The following THEMIS variants were observed in gnomAD, a reference collection of about 807,000 sequenced individuals.
THEMIS encodes thymocyte selection associated, also known as protein THEMIS.
Under a neutral mutation model 52.6 loss-of-function variants are expected in THEMIS, and 37 were observed. That is an observed-to-expected ratio of 0.70 (90% CI 0.54 to 0.93). The LOEUF (loss-of-function observed/expected upper bound fraction) is 0.93, where lower values mean the gene tolerates loss of function less well. THEMIS is among the 40% of genes least tolerant of loss of function. The pLI, the probability that THEMIS is intolerant of heterozygous loss-of-function variation, is 0.00. For synonymous variants in THEMIS, 292 were observed against 272.7 expected (o/e 1.07, Z -0.70); for missense variants, 808 against 763.1 (o/e 1.06, Z -0.69).
chr6:127,803,602 C>G (rs1346387943), intron 4 of THEMIS, among the ~76,000 whole-genome samples: 1 of 152,132 alleles, frequency 6.6e-6, no homozygotes, highest in Non-Finnish European at 1.5e-5. Flanking sequence ...TACTCCTATT[C>G]TTAGTTCTAC....
the THEMIS span, among the ~76,000 whole-genome samples, chr6:127,698,075 T>A: frequency 2.0e-5 from 3 of 152,102 alleles, no homozygotes; most frequent in South Asian, 6.2e-4. Flanking sequence ...TTACATAGAT[T>A]TTGTGAGATA....
intron 4 of THEMIS, among the ~76,000 whole-genome samples, chr6:127,751,121 T>A (rs1265845511): frequency 6.6e-6 from 1 of 151,688 alleles, no homozygotes; most frequent in Non-Finnish European, 1.5e-5. Flanking sequence ...GTATAAAAGT[T>A]AAAAAACAAA....
chr6:127,771,332 T>C (rs1295005471), intron 4 of THEMIS, among the ~76,000 whole-genome samples: 5 of 152,114 alleles, frequency 3.3e-5, no homozygotes, highest in Admixed American at 1.3e-4. Context: ...AAAATGGCCA[T>C]ACTGCTCAAG....
intron 1 of THEMIS, among the ~76,000 whole-genome samples, chr6:127,862,428 A>ATTTTGTTTTTTTTTTTTTTTTTT (rs1779834211): frequency 2.7e-5 from 2 of 72,808 alleles, no homozygotes; most frequent in African/African-American, 4.8e-5. Context: ...TAGGGAGTAA[A>ATTTTGTTTTTTTTTTTTTTTTTT]TTTTTTTTTT....
At chr6:127,786,074 C>T (rs1316148219) in intron 4 of THEMIS, among the ~76,000 whole-genome samples, 1 of 152,130 alleles carries the variant, frequency 6.6e-6, no homozygotes, top group South Asian at 2.1e-4. Context: ...TTTGATAGCT[C>T]TAGGTATTCA....
rs531656789 is a variant in THEMIS at position 127,770,153 on chromosome 6, G to A, written c.1758+42730C>T. ...GTATATACCCAGTAATGGGATCACTGGGCCAAATGGTATTTCTAGTTCTAG... is the reference window on the plus strand; with the variant it reads ...GTATATACCCAGTAATGGGATCACTAGGCCAAATGGTATTTCTAGTTCTAG... On this transcript the variant is annotated intron_variant, in intron 4 of 5. Coordinates refer to ENST00000368248, the MANE Select transcript of THEMIS (RefSeq NM_001010923.3). Among the ~76,000 whole-genome samples the A allele has an allele frequency of 2.7e-3, 409 of 152,242 alleles. 1 individual carries two copies. The highest frequency in any genetic ancestry group is 9.1e-3 in the African/African-American group (379 of 41,558).
chr6:127,756,061 A>G (rs541917631), intron 4 of THEMIS, among the ~76,000 whole-genome samples: 5 of 152,062 alleles, frequency 3.3e-5, no homozygotes, highest in African/African-American at 1.2e-4. Flanking sequence ...ACAAAACAAA[A>G]CAAAAAACCC....
chr6:127,815,273 T>C (rs1778087538), intron 3 of THEMIS, among the ~76,000 whole-genome samples: 1 of 152,216 alleles, frequency 6.6e-6, no homozygotes, highest in African/African-American at 2.4e-5. Context: ...TGATATGGCA[T>C]TGATTTTCAA....
At chr6:127,756,273 G>A (rs1352751929) in intron 4 of THEMIS, among the ~76,000 whole-genome samples, 1 of 151,888 alleles carries the variant, frequency 6.6e-6, no homozygotes, top group Non-Finnish European at 1.5e-5. Context: ...TAAAATCATG[G>A]GCCAATTTTA....
intron 4 of THEMIS, among the ~76,000 whole-genome samples, chr6:127,771,110 T>C (rs1281708726): frequency 1.3e-5 from 2 of 152,146 alleles, no homozygotes. Context: ...ATCACATGCA[T>C]TCCTGTACTC....
intron 1 of THEMIS, among the ~76,000 whole-genome samples, chr6:127,857,021 G>A (rs1171672004): frequency 1.3e-5 from 2 of 151,438 alleles, no homozygotes; most frequent in Non-Finnish European, 2.9e-5. Flanking sequence ...TTACTTTCTT[G>A]TATGACTACA....
chr6:127,725,874 T>A (rs1305692992), intron 4 of THEMIS, among the ~76,000 whole-genome samples: 3 of 152,124 alleles, frequency 2.0e-5, no homozygotes, highest in African/African-American at 7.2e-5. Context: ...CAAGCCTGTG[T>A]TTGGCAGGAC....
intron 1 of THEMIS, among the ~76,000 whole-genome samples, chr6:127,888,373 G>T (rs1780706767): frequency 6.6e-6 from 1 of 152,068 alleles, no homozygotes; most frequent in South Asian, 2.1e-4. Flanking sequence ...GCATTTAGGA[G>T]ATTTTGATAA....
At chr6:127,828,304 T>G (rs1389013787) in intron 3 of THEMIS, among the ~76,000 whole-genome samples, 4 of 152,218 alleles carry the variant, frequency 2.6e-5, no homozygotes, top group Non-Finnish European at 5.9e-5. Context: ...TCTCAATTAC[T>G]CATCTCAACT....
chr6:127,876,415 T>C (rs532686959), intron 1 of THEMIS, among the ~76,000 whole-genome samples: 18 of 152,318 alleles, frequency 1.2e-4, no homozygotes, highest in African/African-American at 4.3e-4. Flanking sequence ...TGATATATTG[T>C]TTCTTACATC....
At chr6:127,887,850 A>G (rs1452141633) in intron 1 of THEMIS, among the ~76,000 whole-genome samples, 3 of 152,196 alleles carry the variant, frequency 2.0e-5, no homozygotes, top group Admixed American at 1.3e-4. Flanking sequence ...TATATAAATT[A>G]TACCTTGATA....
chr6:127,813,589 G>C lies in THEMIS; in HGVS notation c.1052C>G (p.Thr351Arg). The C allele has an allele frequency of 1.2e-6, 2 of 1,614,066 alleles. No individual in the cohort carries two copies. The highest frequency in any genetic ancestry group is 1.7e-6 in the Non-Finnish European group (2 of 1,179,998). Residue 351 changes from threonine (T) to arginine (R), a missense_variant, in exon 4 of 6, where the codon ACG becomes AGG. Coordinates refer to ENST00000368248, the MANE Select transcript of THEMIS (RefSeq NM_001010923.3). ...CTTAGCGATCTCTAGGTCATAGGCC[G>C]TTGGGAACTCCCTCGGTCGCCGCTT... ...KFKRRPREFP[T>R]AYDLEIAKSE...
intron 4 of THEMIS, among the ~76,000 whole-genome samples, chr6:127,780,610 G>C (rs574182471): frequency 1.1e-4 from 16 of 152,102 alleles, no homozygotes; most frequent in African/African-American, 2.9e-4. Context: ...AAATCTCTCA[G>C]CATTTGCTTG....
intron 1 of THEMIS, chr6:127,868,583 C>T (rs1780056637): frequency 8.1e-6 from 4 of 496,572 alleles, no homozygotes; most frequent in Non-Finnish European, 1.0e-5. Flanking sequence ...TGGGATGACT[C>T]ATAGCTTTGG....
Sources: gnomAD v4.1 joint callset for allele counts (sites outside exome capture counted in the v4.1 genomes callset) on GRCh38, gnomAD v4.1.1 for gene constraint, MANE v1.5 for transcripts, NCBI Gene and HGNC (gene_info 2026-07-23, HGNC 2026-07-21) for gene names.